ADGRL3: variants seen among roughly 807,000 people sequenced by gnomAD.
The protein encoded by ADGRL3 is adhesion G protein-coupled receptor L3, also known as calcium-independent alpha-latrotoxin receptor 3.
In ADGRL3, 62 loss-of-function variants were observed where a neutral mutation model predicts 153.5. That is an observed-to-expected ratio of 0.40 (90% confidence interval 0.33 to 0.50). The LOEUF is 0.50. ADGRL3 is among the 20% of genes least tolerant of loss of function. The pLI is 0.47. For missense variants in ADGRL3, 1,641 were observed against 1,859.4 expected, an observed-to-expected ratio of 0.88 and a Z score of 2.16; for synonymous variants, 710 against 672.5, an observed-to-expected ratio of 1.06 and a Z score of -0.86.
chr4:61,394,208 A>T (rs2096844257), intron 2 of ADGRL3, among the ~76,000 whole-genome samples: 1 of 152,038 alleles, frequency 6.6e-6, no homozygotes, highest in Non-Finnish European at 1.5e-5. Context: ...AAAGAAGCAA[A>T]CAAGAGGAAA....
intron 5 of ADGRL3, among the ~76,000 whole-genome samples, chr4:61,648,446 G>A (rs1312393539): frequency 6.8e-6 from 1 of 147,082 alleles, no homozygotes; most frequent in Non-Finnish European, 1.5e-5. Flanking sequence ...TTCCAGGTCA[G>A]TAAGTTAATC....
At chr4:61,341,118 C>A (rs2095800021) in intron 1 of ADGRL3, among the ~76,000 whole-genome samples, 1 of 151,796 alleles carries the variant, frequency 6.6e-6, no homozygotes, top group East Asian at 1.9e-4. Flanking sequence ...ACACATTTAC[C>A]TATCCTTCAT....
chr4:61,590,591 T>A (rs1273693744), intron 5 of ADGRL3, among the ~76,000 whole-genome samples: 1 of 152,112 alleles, frequency 6.6e-6, no homozygotes, highest in Non-Finnish European at 1.5e-5. Context: ...GATGGATAAA[T>A]AAGTTAGTCG....
chr4:61,972,258 C>G (rs2099031027), intron 17 of ADGRL3, among the ~76,000 whole-genome samples: 1 of 152,086 alleles, frequency 6.6e-6, no homozygotes, highest in South Asian at 2.1e-4. Flanking sequence ...ATGGTAATGC[C>G]TAGGTTTTCT....
At chr4:61,481,856 G>A (rs1030517172) in intron 2 of ADGRL3, among the ~76,000 whole-genome samples, 1 of 151,916 alleles carries the variant, frequency 6.6e-6, no homozygotes, top group Non-Finnish European at 1.5e-5. Context: ...AAATATAAAA[G>A]GTGTAAACTT....
chr4:61,601,300 A>G (rs1336974360), intron 5 of ADGRL3, among the ~76,000 whole-genome samples: 1 of 152,136 alleles, frequency 6.6e-6, no homozygotes, highest in Admixed American at 6.5e-5. Context: ...CGTTTTATAG[A>G]ACTATATATA....
intron 16 of ADGRL3, 121 bp downstream of exon 16, chr4:61,947,243 T>C: frequency 3.8e-6 from 3 of 782,480 alleles, no homozygotes; most frequent in South Asian, 3.8e-5. Context: ...GTTCATTATC[T>C]GTACAATGTA....
At chr4:61,933,533 C>A (rs2098826435) in intron 13 of ADGRL3, among the ~76,000 whole-genome samples, 1 of 152,048 alleles carries the variant, frequency 6.6e-6, no homozygotes, top group African/African-American at 2.4e-5. Context: ...AAAAAATAAT[C>A]CAAAGCATGC....
intron 2 of ADGRL3, among the ~76,000 whole-genome samples, chr4:61,419,717 A>G (rs1041117035): frequency 1.3e-5 from 2 of 152,160 alleles, no homozygotes; most frequent in Non-Finnish European, 2.9e-5. Context: ...CAGCATTGTA[A>G]TTTTTTAAAA....
chr4:61,740,837 C>A (rs1029916655), intron 8 of ADGRL3, among the ~76,000 whole-genome samples: 5 of 152,192 alleles, frequency 3.3e-5, no homozygotes, highest in Admixed American at 2.6e-4. Flanking sequence ...ACACAATCCA[C>A]ATTTTCTTGA....
chr4:61,911,031 A>G (rs980107836), intron 12 of ADGRL3, among the ~76,000 whole-genome samples: 6 of 152,096 alleles, frequency 3.9e-5, no homozygotes, highest in Non-Finnish European at 8.8e-5. Context: ...TAGAATCACA[A>G]CCAGTTGCCT....
intron 21 of ADGRL3, among the ~76,000 whole-genome samples, chr4:62,026,540 G>A (rs1404879388): frequency 6.6e-6 from 1 of 151,852 alleles, no homozygotes; most frequent in Admixed American, 6.6e-5. Context: ...TCTATTTTTT[G>A]ATATTTCATA....
intron 1 of ADGRL3, among the ~76,000 whole-genome samples, chr4:61,331,018 A>G (rs1269639054): frequency 6.6e-6 from 1 of 152,158 alleles, no homozygotes; most frequent in Non-Finnish European, 1.5e-5. Flanking sequence ...ACCCTGACTA[A>G]TACAACCAGC....
At position 62,024,111 on chromosome 4, in the gene ADGRL3, G is replaced by T. The variant is rs1224700978; in HGVS notation, c.3396-4744G>T. ...AACTTATATAACATTGACTTGTAGA[G>T]GAAACATAATTTGTATAACATTGAG... On this transcript the variant is annotated intron_variant, in intron 21 of 26. Transcript: ENST00000683033. 2.0e-5 allele frequency among the ~76,000 whole-genome samples: 3 copies of T among 152,024 alleles called. No individual in the cohort carries two copies. The East Asian group carries it at 5.8e-4, about 29-fold the overall frequency.
At chr4:61,487,379 G>T (rs2098207952) in intron 2 of ADGRL3, among the ~76,000 whole-genome samples, 1 of 152,126 alleles carries the variant, frequency 6.6e-6, no homozygotes, top group Admixed American at 6.5e-5. Context: ...TTTATAGTTA[G>T]AAGCAATTAA....
chr4:61,497,580 A>G (rs2098334375), intron 3 of ADGRL3, among the ~76,000 whole-genome samples: 2 of 140,692 alleles, frequency 1.4e-5, no homozygotes, highest in Non-Finnish European at 3.0e-5. Context: ...CGGTGGCACG[A>G]TCTCGGCTTA....
intron 21 of ADGRL3, 150 bp downstream of exon 21, chr4:61,998,415 T>G (rs1441422308): frequency 2.2e-6 from 1 of 446,340 alleles, no homozygotes; most frequent in African/African-American, 2.0e-5. Context: ...ACTATCAAAG[T>G]GACTTGATCT....
At chr4:61,371,744 G>A (rs188782851) in intron 1 of ADGRL3, among the ~76,000 whole-genome samples, 2,392 of 152,024 alleles carry the variant, frequency 0.016, 64 homozygotes, top group African/African-American at 0.054. Context: ...TCTTTGTGGC[G>A]TTCTCTGTAT....
chr4:61,997,749 A>C (rs2099126768), intron 20 of ADGRL3, among the ~76,000 whole-genome samples: 2 of 152,202 alleles, frequency 1.3e-5, no homozygotes, highest in South Asian at 4.1e-4. Context: ...ACAAAAATAT[A>C]TTGATTTTAG....
Sources: allele counts gnomAD v4.1 joint callset (sites outside exome capture counted in the v4.1 genomes callset), GRCh38; gene constraint gnomAD v4.1.1; transcripts MANE v1.5; gene names NCBI Gene and HGNC (gene_info 2026-07-23, HGNC 2026-07-21).